MPP3: variants seen among roughly 807,000 people sequenced by gnomAD.
The protein encoded by MPP3 is MAGUK p55 scaffold protein 3.
In MPP3, 48 loss-of-function variants were observed where a neutral mutation model predicts 80.7. That is an observed-to-expected ratio of 0.59 (90% CI 0.47 to 0.76). The LOEUF is 0.76. Ranked by LOEUF, MPP3 falls within the 30% of genes least tolerant of loss-of-function variation. The pLI is 0.00. For missense variants in MPP3, 620 were observed against 763.0 expected, an observed-to-expected ratio of 0.81 and a Z score of 2.21; for synonymous variants, 311 against 297.6, an observed-to-expected ratio of 1.04 and a Z score of -0.46.
chr17:43,823,865 A>C (rs2045573941), intron 10 of MPP3, 66 bp downstream of exon 10: 1 of 1,165,040 alleles, frequency 8.6e-7, no homozygotes, highest in South Asian at 1.3e-5. Flanking sequence ...GACTGGATCC[A>C]GCCCCCAGCC....
At chr17:43,829,551 T>C in intron 7 of MPP3, 103 bp downstream of exon 7, 1 of 1,387,398 alleles carries the variant, frequency 7.2e-7, no homozygotes, top group Non-Finnish European at 9.8e-7. Flanking sequence ...AAAGCTGCCG[T>C]CACTCACTCT....
chr17:43,825,641 G>T, intron 9 of MPP3, 115 bp downstream of exon 9: 1 of 726,264 alleles, frequency 1.4e-6, no homozygotes, highest in Non-Finnish European at 2.4e-6. Flanking sequence ...CACTTTGCCT[G>T]CCACCTCCTC....
chr17:43,820,792 T>C, intron 11 of MPP3, 70 bp downstream of exon 11: 2 of 1,441,726 alleles, frequency 1.4e-6, no homozygotes, highest in Admixed American at 1.8e-5. Context: ...GGCAGAGACT[T>C]GGGGGTCTGC....
intron 15 of MPP3, 23 bp downstream of exon 15, chr17:43,814,174 T>G (rs769930859): frequency 6.2e-7 from 1 of 1,610,436 alleles, no homozygotes; most frequent in Non-Finnish European, 8.5e-7. Flanking sequence ...GATCACTTCC[T>G]GGAAACCCAG....
At chr17:43,816,176 C>G in intron 13 of MPP3, 97 bp from the exon 14 acceptor site, 2 of 1,076,386 alleles carry the variant, frequency 1.9e-6, no homozygotes, top group African/African-American at 3.3e-5. Context: ...GAAGAGCCCC[C>G]TGGGATGGTG....
intron 10 of MPP3, among the ~76,000 whole-genome samples, chr17:43,822,678 T>TAAAAAAAGAAAAA (rs2045519389): frequency 1.7e-5 from 1 of 59,050 alleles, no homozygotes; most frequent in African/African-American, 8.8e-5. Context: ...ACTCCCATCC[T>TAAAAAAAGAAAAA]AAAAAAAAAA....
intron 16 of MPP3, among the ~76,000 whole-genome samples, chr17:43,813,174 C>T (rs905002540): frequency 2.6e-5 from 4 of 152,134 alleles, no homozygotes; most frequent in Non-Finnish European, 4.4e-5. Context: ...AAGTGGGAGG[C>T]GGCAGGTGAG....
rs2045012161 is a variant in MPP3 at position 43,814,330 on chromosome 17, A to G, written c.1041T>C (p.Cys347=). Residue 347 remains cysteine (C), a synonymous_variant, in exon 15 of 20, where the codon TGT becomes TGC. Coordinates refer to ENST00000398389, the MANE Select transcript of MPP3 (RefSeq NM_001932.6). ...AGLRRSFRLG[C]RERLGGSQEG... ...CCTGCGAGCCACCCAGTCTCTCCCT[A>G]CAGCCCAGCCGGAAGCTCCTCCGAA... 1.2e-6 allele frequency: 2 copies of G among 1,608,864 alleles called. No homozygotes were observed. The highest frequency in any genetic ancestry group is 1.7e-6 in the Non-Finnish European group (2 of 1,179,642).
In MPP3 at chr17:43,818,046, A is replaced by AG; in HGVS notation, c.945dup (p.Tyr316LeufsTer2). 1.3e-6 allele frequency: 2 copies of AG among 1,582,294 alleles called. No homozygotes were observed. The highest frequency in any genetic ancestry group is 1.4e-5 in the African/African-American group (1 of 73,566). ...GTGCCATCCCTGACAATCTACTCAC[A>AG]GGGGGGCTTCCTGAGGCTCTGGGGG... On this transcript the variant is annotated frameshift_variant and splice_region_variant, in exon 12 of 20. Transcript: ENST00000398389. LOFTEE classifies it high-confidence loss of function.
chr17:43,822,733 G>A (rs1411066345), intron 10 of MPP3, among the ~76,000 whole-genome samples: 1 of 147,036 alleles, frequency 6.8e-6, no homozygotes, highest in African/African-American at 2.5e-5. Flanking sequence ...CTTGGGCTGT[G>A]GGATGCCCTC....
intron 5 of MPP3, 122 bp from the exon 6 acceptor site, chr17:43,830,229 A>G (rs1025567740): frequency 8.7e-6 from 5 of 575,224 alleles, no homozygotes; most frequent in Non-Finnish European, 1.4e-5. Context: ...CAGACCCTCA[A>G]CCACCCGACG....
At chr17:43,806,092 TTTTGA>T (rs1321564505) in intron 19 of MPP3, among the ~76,000 whole-genome samples, 16 of 151,996 alleles carry the variant, frequency 1.1e-4, no homozygotes, top group South Asian at 2.1e-4. Context: ...TGATTTTTTA[TTTTGA>T]TTTATTTTTT....
At chr17:43,816,843 G>A in intron 12 of MPP3, 146 bp from the exon 13 acceptor site, 1 of 743,848 alleles carries the variant, frequency 1.3e-6, no homozygotes, top group Non-Finnish European at 2.4e-6. Flanking sequence ...GATCTGAGCT[G>A]TGGTACGTTA....
At chr17:43,825,735 T>C (rs1417177144) in intron 9 of MPP3, 21 bp downstream of exon 9, 8 of 1,550,302 alleles carry the variant, frequency 5.2e-6, no homozygotes, top group East Asian at 2.2e-5. Flanking sequence ...AGCACATCCC[T>C]AGCAGGCTTG....
intron 7 of MPP3, 68 bp from the exon 8 acceptor site, chr17:43,827,900 AC>A: frequency 6.9e-7 from 1 of 1,456,060 alleles, no homozygotes. Context: ...TACTCTCTGG[AC>A]CCAACACAGC....
intron 14 of MPP3, chr17:43,814,634 A>C (rs1018718128): frequency 1.2e-5 from 4 of 342,360 alleles, no homozygotes; most frequent in South Asian, 2.0e-4. Flanking sequence ...CTGAGCCTCA[A>C]TTTCCTTACC....
intron 18 of MPP3, among the ~76,000 whole-genome samples, chr17:43,810,320 G>A (rs2044795310): frequency 6.6e-6 from 1 of 152,066 alleles, no homozygotes; most frequent in African/African-American, 2.4e-5. Flanking sequence ...TGTTTTTGAA[G>A]CACTTCCCAG....
At chr17:43,810,561 C>G (rs373485580) in intron 18 of MPP3, among the ~76,000 whole-genome samples, 105 of 152,280 alleles carry the variant, frequency 6.9e-4, no homozygotes, top group African/African-American at 2.4e-3. Context: ...GAGTTACTAG[C>G]CTGGGTCTGT....
intron 13 of MPP3, among the ~76,000 whole-genome samples, chr17:43,816,462 G>A (rs2045138311): frequency 6.6e-6 from 1 of 152,244 alleles, no homozygotes; most frequent in Admixed American, 6.5e-5. Flanking sequence ...GTGTCAGGAG[G>A]GCAGGGAGGT....
Sources: gnomAD v4.1 joint callset for allele counts (sites outside exome capture counted in the v4.1 genomes callset) on GRCh38, gnomAD v4.1.1 for gene constraint, MANE v1.5 for transcripts, NCBI Gene and HGNC (gene_info 2026-07-23, HGNC 2026-07-21) for gene names.